FSTL4: variants seen among roughly 807,000 people sequenced by gnomAD.
The protein encoded by FSTL4 is follistatin-related protein 4.
Under a neutral mutation model 78.2 loss-of-function variants are expected in FSTL4, and 28 were observed. That is an observed-to-expected ratio of 0.36 (90% confidence interval 0.27 to 0.49). FSTL4 has a LOEUF of 0.49. FSTL4 is among the 20% of genes least tolerant of loss of function. The pLI is 0.98. For synonymous variants in FSTL4, 422 were observed against 440.5 expected (o/e 0.96, Z 0.53); for missense variants, 922 against 1,084.9 (o/e 0.85, Z 2.11).
intron 3 of FSTL4, among the ~76,000 whole-genome samples, chr5:133,519,305 CACTG>C (rs1438219240): frequency 6.6e-6 from 1 of 152,242 alleles, no homozygotes; most frequent in Non-Finnish European, 1.5e-5. Context: ...TCTGGATGTA[CACTG>C]ACTAATTGGG....
the FSTL4 span, among the ~76,000 whole-genome samples, chr5:133,667,833 G>C: frequency 6.6e-6 from 1 of 152,174 alleles, no homozygotes; most frequent in African/African-American, 2.4e-5. Context: ...AGACTCCATA[G>C]GGACAGGGAT....
the FSTL4 span, among the ~76,000 whole-genome samples, chr5:133,786,695 G>T: frequency 6.6e-6 from 1 of 152,110 alleles, no homozygotes; most frequent in Non-Finnish European, 1.5e-5. Flanking sequence ...GGCATTGAGG[G>T]AGCAAAAAGG....
chr5:133,523,926 C>T (rs1158268747), intron 3 of FSTL4, among the ~76,000 whole-genome samples: 1 of 152,204 alleles, frequency 6.6e-6, no homozygotes, highest in Non-Finnish European at 1.5e-5. Context: ...CCCATAATAA[C>T]AATTGCTGTG....
intron 4 of FSTL4, among the ~76,000 whole-genome samples, chr5:133,379,616 C>T (rs13186427): frequency 0.12 from 18,012 of 152,012 alleles, 1,123 homozygotes; most frequent in South Asian, 0.13. Flanking sequence ...TTCACAGATA[C>T]GTGGAAATTA....
At chr5:133,256,787 T>C (rs1490354656) in intron 6 of FSTL4, among the ~76,000 whole-genome samples, 3 of 152,224 alleles carry the variant, frequency 2.0e-5, no homozygotes, top group African/African-American at 7.2e-5. Flanking sequence ...ATCTCCTGTT[T>C]CCTTACGTGT....
the FSTL4 span, among the ~76,000 whole-genome samples, chr5:133,682,387 G>T: frequency 1.3e-5 from 2 of 152,220 alleles, no homozygotes; most frequent in Non-Finnish European, 1.5e-5. Flanking sequence ...CTCCTCGAAC[G>T]CAGGGACTGC....
chr5:133,788,629 C>T, the FSTL4 span, among the ~76,000 whole-genome samples: 13 of 152,344 alleles, frequency 8.5e-5, no homozygotes, highest in Admixed American at 6.5e-4. Context: ...TGCTCTCTCT[C>T]GCGGCAAACA....
Position 133,197,173 on chromosome 5 carries a change from T to C in FSTL4, c.*1922A>G, listed in dbSNP as rs978252045. 1.3e-5 allele frequency: 2 copies of C among 152,078 alleles called. No individual in the cohort carries two copies. The highest frequency in any genetic ancestry group is 1.3e-4 in the Admixed American group (2 of 15,278). 9.4% of individuals were successfully genotyped at this position (152,078 alleles called of 1,614,324 possible). A position where few individuals can be genotyped will look rare whatever the true frequency, so the allele number is the denominator to read the frequency against. On this transcript the variant is annotated 3_prime_UTR_variant, in exon 16 of 16. Transcript: ENST00000265342. ...TTTAGGCTCAGAGATCCTTTTTCTG[T>C]CAGGGGCTGATACAATGGAAATTTT...
chr5:133,624,926 T>C, the FSTL4 span, among the ~76,000 whole-genome samples: 1 of 151,770 alleles, frequency 6.6e-6, no homozygotes, highest in Non-Finnish European at 1.5e-5. Flanking sequence ...GTCTCTTCAT[T>C]TATTTAGAGC....
intron 8 of FSTL4, among the ~76,000 whole-genome samples, chr5:133,229,725 A>T (rs992295435): frequency 2.0e-5 from 3 of 152,196 alleles, no homozygotes; most frequent in Admixed American, 6.5e-5. Flanking sequence ...GGGCGTTCTG[A>T]GTGTGGCACC....
intron 3 of FSTL4, among the ~76,000 whole-genome samples, chr5:133,563,116 T>C (rs1380473337): frequency 1.3e-5 from 2 of 152,174 alleles, no homozygotes; most frequent in African/African-American, 4.8e-5. Context: ...GGCATGAATA[T>C]CCAGGGTCAT....
intron 3 of FSTL4, among the ~76,000 whole-genome samples, chr5:133,508,541 A>C (rs1041259086): frequency 6.6e-6 from 1 of 152,240 alleles, no homozygotes; most frequent in Non-Finnish European, 1.5e-5. Flanking sequence ...TTTCAGGTTC[A>C]GTGTAATCGT....
At chr5:133,376,572 C>A (rs866732713) in intron 4 of FSTL4, among the ~76,000 whole-genome samples, 19 of 152,144 alleles carry the variant, frequency 1.2e-4, no homozygotes, top group African/African-American at 4.6e-4. Flanking sequence ...CAAACCCAAC[C>A]GGTTAAAGTA....
At chr5:133,654,980 A>T in the FSTL4 span, among the ~76,000 whole-genome samples, 2 of 152,318 alleles carry the variant, frequency 1.3e-5, no homozygotes, top group African/African-American at 4.8e-5. Context: ...TGATGTCTCC[A>T]GTCCCCATCT....
intron 3 of FSTL4, among the ~76,000 whole-genome samples, chr5:133,504,828 G>A (rs1758580367): frequency 6.6e-6 from 1 of 152,114 alleles, no homozygotes; most frequent in African/African-American, 2.4e-5. Context: ...ACAGCCCTCT[G>A]TTCTTTTCCT....
At chr5:133,569,540 G>A (rs1760104903) in intron 2 of FSTL4, among the ~76,000 whole-genome samples, 1 of 152,134 alleles carries the variant, frequency 6.6e-6, no homozygotes, top group Admixed American at 6.5e-5. Context: ...GGTTGGGATG[G>A]CGCCAGTATC....
chr5:133,395,667 C>G (rs1756016426), intron 4 of FSTL4, among the ~76,000 whole-genome samples: 1 of 152,114 alleles, frequency 6.6e-6, no homozygotes, highest in Non-Finnish European at 1.5e-5. Context: ...TCCCCTACAC[C>G]CAGGATCCCA....
At chr5:133,202,830 T>G (rs1750373146) in intron 14 of FSTL4, 1 of 152,362 alleles carries the variant, frequency 6.6e-6, no homozygotes, top group Non-Finnish European at 1.5e-5. Flanking sequence ...AGGTAACGCT[T>G]TCTCCCCTGT....
At chr5:133,536,448 A>G (rs1561461000) in intron 3 of FSTL4, among the ~76,000 whole-genome samples, 2 of 152,214 alleles carry the variant, frequency 1.3e-5, no homozygotes, top group Non-Finnish European at 1.5e-5. Context: ...TTAGTATGCT[A>G]TGACATGATT....
Sources: gnomAD v4.1 joint callset for allele counts (sites outside exome capture counted in the v4.1 genomes callset) on GRCh38, gnomAD v4.1.1 for gene constraint, MANE v1.5 for transcripts, NCBI Gene and HGNC (gene_info 2026-07-23, HGNC 2026-07-21) for gene names.